The following MAP3K2 variants were observed in gnomAD, a reference collection of about 807,000 sequenced individuals.
MAP3K2 encodes MAP/ERK kinase kinase 2.
A neutral mutation model predicts 80.3 loss-of-function variants in MAP3K2; 24 were observed. The ratio of observed to expected loss-of-function variants is 0.30; its 90% CI spans 0.22 to 0.42. MAP3K2 has a LOEUF of 0.42. Among genes scored for constraint, MAP3K2 ranks in the 10% least tolerant of loss-of-function variants. The pLI is 1.00. For synonymous variants in MAP3K2, 244 were observed against 253.7 expected, an observed-to-expected ratio of 0.96 and a Z score of 0.36; for missense variants, 608 against 750.1, an observed-to-expected ratio of 0.81 and a Z score of 2.21.
intron 2 of MAP3K2, among the ~76,000 whole-genome samples, chr2:127,340,703 G>A (rs1487790950): frequency 6.6e-6 from 1 of 151,680 alleles, no homozygotes; most frequent in East Asian, 1.9e-4. Context: ...TCTATACTAG[G>A]GATAGATGAA....
At chr2:127,370,033 T>C (rs1469418360) in intron 1 of MAP3K2, among the ~76,000 whole-genome samples, 1 of 149,306 alleles carries the variant, frequency 6.7e-6, no homozygotes, top group East Asian at 2.0e-4. Flanking sequence ...AACAAGGGGA[T>C]GTAAAGAAAC....
chr2:127,354,078 C>T (rs1686754896), intron 1 of MAP3K2, among the ~76,000 whole-genome samples: 1 of 151,780 alleles, frequency 6.6e-6, no homozygotes, highest in Non-Finnish European at 1.5e-5. Context: ...ACTCCCTAAT[C>T]TCAAGTACCC....
At chr2:127,388,223 T>C (rs1313237897), upstream of MAP3K2, 4 of 950,916 alleles carry the variant, frequency 4.2e-6, no homozygotes, top group East Asian at 3.9e-4. Context: ...GCCTGTGCTG[T>C]TCCGTGTGCG....
intron 1 of MAP3K2, among the ~76,000 whole-genome samples, chr2:127,351,069 T>C (rs1686683961): frequency 6.6e-6 from 1 of 152,080 alleles, no homozygotes; most frequent in Non-Finnish European, 1.5e-5. Context: ...ACTGTCGAAA[T>C]CATGAAAGTC....
rs1041665984 is a variant in MAP3K2 at position 127,387,508 on chromosome 2, G to A, written c.-122C>T. The A allele has an allele frequency of 4.1e-6, 4 of 984,544 alleles. No homozygotes were observed. The highest frequency in any genetic ancestry group is 6.2e-5 in the Admixed American group (1 of 16,212). 61.0% of individuals were successfully genotyped at this position (984,544 alleles called of 1,614,324 possible). ...GGCCCAAGGAGGGGCCGCCCCCGCC[G>A]AGCCCGCCCCTCCGCCCCAGCGCGG... is the stretch of plus-strand genomic sequence containing the variant. On this transcript the variant is annotated 5_prime_UTR_variant, in exon 1 of 17. Transcript: ENST00000682094.
chr2:127,337,994 A>C (rs372335340), intron 3 of MAP3K2, among the ~76,000 whole-genome samples: 24 of 152,204 alleles, frequency 1.6e-4, no homozygotes, highest in African/African-American at 5.5e-4. Flanking sequence ...GCTCAACAGG[A>C]AAGAACACCA....
chr2:127,365,116 CAAAAAAAAAAAAAAAAA>C (rs10558890), intron 1 of MAP3K2, among the ~76,000 whole-genome samples: 530 of 31,600 alleles, frequency 0.017, 6 homozygotes, highest in African/African-American at 0.045. Flanking sequence ...GACTCTGCCT[CAAAAAAAAAAAAAAAAA>C]AAAAAAAAAA....
At chr2:127,366,217 T>A (rs947913652) in intron 1 of MAP3K2, among the ~76,000 whole-genome samples, 5 of 152,004 alleles carry the variant, frequency 3.3e-5, no homozygotes, top group Non-Finnish European at 7.4e-5. Flanking sequence ...CAAACGTCAA[T>A]ACCAATTTAT....
chr2:127,325,334 A>C (rs1573984738), intron 9 of MAP3K2, among the ~76,000 whole-genome samples: 1 of 152,214 alleles, frequency 6.6e-6, no homozygotes, highest in East Asian at 1.9e-4. Context: ...AAAGTTACTG[A>C]TAATTCAACA....
chr2:127,370,111 G>T (rs56276844), intron 1 of MAP3K2, among the ~76,000 whole-genome samples: 2 of 151,062 alleles, frequency 1.3e-5, no homozygotes, highest in South Asian at 2.1e-4. Context: ...CAAGACTAGC[G>T]GGGGGTGGGG....
intron 12 of MAP3K2, among the ~76,000 whole-genome samples, 168 bp from the exon 13 acceptor site, chr2:127,318,485 TTTC>T (rs1453871830): frequency 6.6e-6 from 1 of 152,168 alleles, no homozygotes; most frequent in Non-Finnish European, 1.5e-5. Flanking sequence ...AATTTTTCTC[TTTC>T]GTCAATTTTC....
rs1685714330 is a variant in MAP3K2, at chr2:127,307,054, G to C, written c.*525C>G. Reference sequence around the variant, plus strand: ...TGGTAGACAGAGGTTAGGATCTAAAGAATACAGATATAAGAAGAAACCTAT... The same window carrying C: ...TGGTAGACAGAGGTTAGGATCTAAACAATACAGATATAAGAAGAAACCTAT... On this transcript the variant is annotated 3_prime_UTR_variant, in exon 17 of 17. Coordinates refer to ENST00000682094, the MANE Select transcript of MAP3K2 (RefSeq NM_001371910.2). This position sits in a 1 kb window ranked among gnomAD's most constrained non-coding sequence, Gnocchi z 5.4. 6.6e-6 allele frequency: 1 copy of C among 152,526 alleles called. No homozygotes were observed. The highest frequency in any genetic ancestry group is 2.4e-5 in the African/African-American group (1 of 41,398). 9.4% of individuals were successfully genotyped at this position (152,526 alleles called of 1,614,324 possible).
At chr2:127,346,991 A>G (rs1482731439) in intron 1 of MAP3K2, among the ~76,000 whole-genome samples, 1 of 152,126 alleles carries the variant, frequency 6.6e-6, no homozygotes, top group Non-Finnish European at 1.5e-5. Context: ...ACTCTGTCTC[A>G]AGGAAAAAAA....
At chr2:127,333,328 C>T (rs1558979696) in intron 5 of MAP3K2, among the ~76,000 whole-genome samples, 1 of 151,314 alleles carries the variant, frequency 6.6e-6, no homozygotes, top group East Asian at 1.9e-4. Context: ...AGAAGCCAAA[C>T]TAACAAATCC....
In MAP3K2 at chr2:127,304,678, T is replaced by C. The variant is rs894017265; in HGVS notation, c.*2901A>G. 6.6e-6 allele frequency: 1 copy of C among 152,574 alleles called. No homozygotes were observed. Among genetic ancestry groups the C allele is most frequent in the African/African-American group, 2.4e-5 (1 of 41,464 alleles). 9.5% of individuals were successfully genotyped at this position (152,574 alleles called of 1,614,324 possible). ...AGTTCAAATTGCATTTGTTGATCCA[T>C]ATCATTATTAGAAAGAAGAAAAAAA... On this transcript the variant is annotated 3_prime_UTR_variant, in exon 17 of 17. Coordinates refer to ENST00000682094, the MANE Select transcript of MAP3K2 (RefSeq NM_001371910.2).
At chr2:127,314,258 A>T (rs1259155062) in intron 15 of MAP3K2, among the ~76,000 whole-genome samples, 1 of 152,136 alleles carries the variant, frequency 6.6e-6, no homozygotes, top group Non-Finnish European at 1.5e-5. Context: ...TTCCCTCGGT[A>T]GTGACACCCA....
intron 1 of MAP3K2, among the ~76,000 whole-genome samples, chr2:127,382,567 C>A (rs1208684447): frequency 6.6e-6 from 1 of 152,228 alleles, no homozygotes; most frequent in African/African-American, 2.4e-5. Flanking sequence ...TTGACTCACT[C>A]TATTGCCCAG....
At chr2:127,345,693 A>AT (rs1025939240) in intron 1 of MAP3K2, among the ~76,000 whole-genome samples, 4 of 152,238 alleles carry the variant, frequency 2.6e-5, no homozygotes, top group African/African-American at 9.6e-5. Context: ...CAAAAATGCA[A>AT]TAAAATTAGA....
Position 127,364,865 on chromosome 2 carries a change from C to T in MAP3K2, c.-65-21671G>A, listed in dbSNP as rs189265612. On this transcript the variant is annotated intron_variant, in intron 1 of 16. Coordinates refer to ENST00000682094, the MANE Select transcript of MAP3K2 (RefSeq NM_001371910.2). This position sits in a 1 kb window ranked among gnomAD's most constrained non-coding sequence, Gnocchi z 4.1. ...ACTATTGACCAGGCGCAGTGGCTCA[C>T]GCCTGTAATCCTAGCACTGTGGAAG... 3.3e-5 allele frequency among the ~76,000 whole-genome samples: 5 copies of T among 152,198 alleles called. No individual in the cohort carries two copies. Among genetic ancestry groups the T allele is most frequent in the Admixed American group, 2.0e-4 (3 of 15,280 alleles).
Sources: allele counts gnomAD v4.1 joint callset (sites outside exome capture counted in the v4.1 genomes callset), GRCh38; gene constraint gnomAD v4.1.1; non-coding constraint Gnocchi (gnomAD v3.1); transcripts MANE v1.5; gene names NCBI Gene and HGNC (gene_info 2026-07-23, HGNC 2026-07-21).